Variants in KLF12 observed in about 807,000 individuals in gnomAD.
KLF12 encodes KLF transcription factor 12, also known as Krueppel-like factor 12.
KLF12 carries 9 observed loss-of-function variants against 37.8 expected under a neutral mutation model. That is an observed-to-expected ratio of 0.24 (90% confidence interval 0.14 to 0.42). KLF12 has a LOEUF of 0.42. KLF12 is among the 10% of genes least tolerant of loss of function. The pLI, the probability that KLF12 is intolerant of heterozygous loss-of-function variation, is 1.00. For synonymous variants in KLF12, 208 were observed against 202.1 expected (o/e 1.03, Z -0.25); for missense variants, 411 against 516.0 (o/e 0.80, Z 1.97).
chr13:74,099,993 C>T lies in KLF12; in HGVS notation c.-32+33746G>A, dbSNP rs547252796. ...ATGGAGTGCTGATGGGAAAGAAGGG[C>T]ACACACACAGGGAAGCAGGTCCACT... On this transcript the variant is annotated intron_variant, in intron 1 of 7. Coordinates refer to ENST00000377669, the MANE Select transcript of KLF12 (RefSeq NM_007249.5). Among the ~76,000 whole-genome samples the T allele has an allele frequency of 8.0e-5, 12 of 150,170 alleles. No individual in the cohort carries two copies. In the East Asian group the frequency reaches 2.1e-3, roughly 27 times the overall value.
chr13:74,030,287 C>T (rs749289448), intron 1 of KLF12, among the ~76,000 whole-genome samples: 14 of 152,018 alleles, frequency 9.2e-5, no homozygotes, highest in Non-Finnish European at 1.6e-4. Context: ...CTACCTCTTT[C>T]GGACAAAGCA....
At chr13:73,844,820 AG>A (rs796655133) in intron 4 of KLF12, 6 of 152,324 alleles carry the variant, frequency 3.9e-5, no homozygotes, top group African/African-American at 1.4e-4. Context: ...ATAGTGTCAA[AG>A]CAAAAAGTAA....
intron 1 of KLF12, among the ~76,000 whole-genome samples, chr13:74,127,148 C>A (rs559211199): frequency 1.3e-5 from 2 of 152,272 alleles, no homozygotes; most frequent in African/African-American, 4.8e-5. Context: ...GGAATACAGG[C>A]ACACGCCACC....
At chr13:74,134,318 G>A (rs1350189145), upstream of KLF12, among the ~76,000 whole-genome samples, 4 of 151,760 alleles carry the variant, frequency 2.6e-5, no homozygotes, top group East Asian at 2.0e-4. Flanking sequence ...GGAGGGGCTC[G>A]CTCAGCAGGC....
intron 3 of KLF12, among the ~76,000 whole-genome samples, chr13:73,886,690 G>C (rs1175968259): frequency 1.3e-5 from 2 of 152,046 alleles, no homozygotes; most frequent in African/African-American, 4.8e-5. Flanking sequence ...ATGCCAAAAT[G>C]TAAAGAAAAT....
intron 1 of KLF12, among the ~76,000 whole-genome samples, chr13:74,058,357 T>C (rs1018083611): frequency 7.2e-6 from 1 of 138,666 alleles, no homozygotes; most frequent in African/African-American, 2.7e-5. Context: ...TTTTATCTTT[T>C]TTTTTTTTTT....
chr13:74,088,857 A>G (rs1197893938), intron 1 of KLF12, among the ~76,000 whole-genome samples: 1 of 152,212 alleles, frequency 6.6e-6, no homozygotes, highest in Non-Finnish European at 1.5e-5. Context: ...ATCACTCACA[A>G]AGAATCATGA....
chr13:74,297,659 A>G, the KLF12 span, among the ~76,000 whole-genome samples: 3 of 152,198 alleles, frequency 2.0e-5, no homozygotes, highest in African/African-American at 7.2e-5. Flanking sequence ...GAGAGTAACA[A>G]ACAAAATCCT....
intron 1 of KLF12, among the ~76,000 whole-genome samples, chr13:74,088,998 G>A (rs1875489014): frequency 6.6e-6 from 1 of 151,990 alleles, no homozygotes; most frequent in African/African-American, 2.4e-5. Flanking sequence ...TAGTAAATTA[G>A]TACCTCTAGA....
intron 4 of KLF12, among the ~76,000 whole-genome samples, chr13:73,821,374 T>C (rs1033559974): frequency 3.3e-5 from 5 of 152,198 alleles, no homozygotes; most frequent in African/African-American, 1.2e-4. Context: ...TCCTACTGAC[T>C]AGTATTCCTC....
chr13:74,278,716 G>A, the KLF12 span, among the ~76,000 whole-genome samples: 1 of 152,150 alleles, frequency 6.6e-6, no homozygotes, highest in East Asian at 1.9e-4. Context: ...ACTTTTTAAA[G>A]GAGGGCTACT....
chr13:74,155,648 C>A, the KLF12 span, among the ~76,000 whole-genome samples: 1 of 151,674 alleles, frequency 6.6e-6, no homozygotes, highest in Non-Finnish European at 1.5e-5. Context: ...CAGGCGGGAA[C>A]CACCACGCCC....
At chr13:74,238,714 T>G in the KLF12 span, among the ~76,000 whole-genome samples, 1 of 151,086 alleles carries the variant, frequency 6.6e-6, no homozygotes, top group Non-Finnish European at 1.5e-5. Context: ...CTAGATTTTC[T>G]AGTTTATTTG....
intron 2 of KLF12, among the ~76,000 whole-genome samples, chr13:73,966,967 A>T (rs1403044724): frequency 6.6e-6 from 1 of 152,226 alleles, no homozygotes; most frequent in East Asian, 1.9e-4. Flanking sequence ...TAAGTTTTAT[A>T]ACTAAAAATC....
chr13:73,997,139 G>A (rs973472483), intron 1 of KLF12, among the ~76,000 whole-genome samples: 1 of 152,170 alleles, frequency 6.6e-6, no homozygotes, highest in Non-Finnish European at 1.5e-5. Context: ...GAGTGTTCAA[G>A]ATTCATCTCT....
At chr13:74,071,562 A>G (rs1977315) in intron 1 of KLF12, among the ~76,000 whole-genome samples, 48,334 of 151,580 alleles carry the variant, frequency 0.32, 8,075 homozygotes, top group Admixed American at 0.43. Context: ...GCGTGGTGGC[A>G]GGCGCCTGTA....
chr13:73,768,840 AACACAG>A (rs1185223781), intron 5 of KLF12, among the ~76,000 whole-genome samples: 8 of 152,178 alleles, frequency 5.3e-5, no homozygotes, highest in Admixed American at 5.2e-4. Flanking sequence ...TCAGGATTTA[AACACAG>A]GTACGTCTGA....
the KLF12 span, among the ~76,000 whole-genome samples, chr13:74,149,090 C>T: frequency 3.3e-5 from 5 of 152,278 alleles, no homozygotes; most frequent in Admixed American, 6.5e-5. Flanking sequence ...AGTGGGATTA[C>T]GGGCACAAGC....
At chr13:73,821,909 C>A (rs532955005) in intron 4 of KLF12, among the ~76,000 whole-genome samples, 1 of 152,264 alleles carries the variant, frequency 6.6e-6, no homozygotes, top group South Asian at 2.1e-4. Context: ...TAAAGAATAC[C>A]TATACTTTGT....
Sources: allele counts gnomAD v4.1 joint callset (sites outside exome capture counted in the v4.1 genomes callset), GRCh38; gene constraint gnomAD v4.1.1; transcripts MANE v1.5; gene names NCBI Gene and HGNC (gene_info 2026-07-23, HGNC 2026-07-21).